The following CCDC66 variants were observed in gnomAD, a reference collection of about 807,000 sequenced individuals.
The protein encoded by CCDC66 is coiled-coil domain-containing protein 66.
A neutral mutation model predicts 128.3 loss-of-function variants in CCDC66; 133 were observed. The ratio of observed to expected loss-of-function variants is 1.04; its 90% CI spans 0.90 to 1.20. The LOEUF is 1.20. CCDC66 is among the 50% of genes most tolerant of loss of function. The pLI is 0.00. For synonymous variants in CCDC66, 387 were observed against 357.0 expected (o/e 1.08, Z -0.95); for missense variants, 1,126 against 1,075.5 (o/e 1.05, Z -0.66).
At chr3:56,578,658 T>A (rs572565653) in intron 7 of CCDC66, among the ~76,000 whole-genome samples, 3 of 152,008 alleles carry the variant, frequency 2.0e-5, no homozygotes, top group Non-Finnish European at 2.9e-5. Context: ...GTGCAACTAT[T>A]GAGATAATCA....
intron 7 of CCDC66, among the ~76,000 whole-genome samples, chr3:56,580,798 TC>T (rs2068228595): frequency 6.6e-6 from 1 of 151,948 alleles, no homozygotes; most frequent in Non-Finnish European, 1.5e-5. Flanking sequence ...CCGATGGGCT[TC>T]CCTTTGTGGG....
At chr3:56,566,853 C>A in intron 5 of CCDC66, 94 bp downstream of exon 5, 1 of 1,466,070 alleles carries the variant, frequency 6.8e-7, no homozygotes, top group Non-Finnish European at 9.4e-7. Flanking sequence ...ACTCTGAATA[C>A]TTAGAGCTAT....
chr3:56,557,559 A>G, intron 1 of CCDC66: 1 of 404,066 alleles, frequency 2.5e-6, no homozygotes, highest in South Asian at 4.5e-5. Context: ...GAGAGAAATG[A>G]CGAGACAGTT....
intron 10 of CCDC66, among the ~76,000 whole-genome samples, chr3:56,606,340 C>T (rs937305112): frequency 6.6e-6 from 1 of 152,086 alleles, no homozygotes; most frequent in Non-Finnish European, 1.5e-5. Flanking sequence ...AAAACTCCTA[C>T]AGTTAGCTCG....
chr3:56,575,792 A>G (rs760042657), intron 7 of CCDC66, among the ~76,000 whole-genome samples: 2 of 151,766 alleles, frequency 1.3e-5, no homozygotes, highest in African/African-American at 2.4e-5. Flanking sequence ...ATTCTTTTGC[A>G]TGTGGACATC....
At chr3:56,564,669 C>A (rs2065551940) in intron 4 of CCDC66, among the ~76,000 whole-genome samples, 1 of 152,226 alleles carries the variant, frequency 6.6e-6, no homozygotes, top group East Asian at 1.9e-4. Context: ...TTTCACAAGT[C>A]CTGGCATTGT....
chr3:56,567,138 T>A, intron 6 of CCDC66, 85 bp downstream of exon 6: 1 of 1,007,756 alleles, frequency 9.9e-7, no homozygotes, highest in Admixed American at 1.9e-5. Flanking sequence ...ACACCTGTAA[T>A]ACCAGCACTT....
chr3:56,619,945 C>T lies in CCDC66; in HGVS notation c.2760+44C>T, dbSNP rs529414327. On this transcript the variant is annotated intron_variant, in intron 17 of 17. Coordinates refer to ENST00000394672, the MANE Select transcript of CCDC66 (RefSeq NM_001141947.3). ...GTAGATATGTCTGTTCTTTATGTGG[C>T]GTGGGCGGTTGGGGGAACCTGTTGA... The T allele has an allele frequency of 7.6e-6, 12 of 1,587,150 alleles. No individual in the cohort carries two copies. In the South Asian group the frequency reaches 1.0e-4, roughly 14 times the overall value.
Position 56,571,207 on chromosome 3 carries a change from G to GAA in CCDC66, c.845_846dup (p.Glu283LysfsTer19). 1.3e-6 allele frequency: 2 copies of GAA among 1,529,890 alleles called. No individual in the cohort carries two copies. Among genetic ancestry groups the GAA allele is most frequent in the South Asian group, 2.4e-5 (2 of 84,064 alleles). 94.8% of individuals were successfully genotyped at this position (1,529,890 alleles called of 1,614,324 possible). On this transcript the variant is annotated frameshift_variant, in exon 7 of 18. Transcript: ENST00000394672. LOFTEE classifies it high-confidence loss of function. Reference sequence around the variant, plus strand: ...TGAACAGGTTGCTTTAAAGAAGAAAGAAAAAGAAGTTTCTGAAAAATGGAA... The same window carrying GAA: ...TGAACAGGTTGCTTTAAAGAAGAAAGAAAAAAAGAAGTTTCTGAAAAATGGAA...
intron 7 of CCDC66, among the ~76,000 whole-genome samples, chr3:56,582,661 G>A (rs1406889781): frequency 6.6e-6 from 1 of 151,558 alleles, no homozygotes; most frequent in Non-Finnish European, 1.5e-5. Context: ...TTCTAAAAGT[G>A]TTTTTTAGAA....
chr3:56,617,101 CT>C lies in CCDC66; in HGVS notation c.1844-3del, dbSNP rs576848832. ...TACAATTTTTAAAAATCATTTGCAA[CT>C]TTTTTTTAGATGACTTAAATATAGG... is the stretch of plus-strand genomic sequence containing the variant. On this transcript the variant is annotated splice_polypyrimidine_tract_variant and intron_variant, in intron 13 of 17. Coordinates refer to ENST00000394672, the MANE Select transcript of CCDC66 (RefSeq NM_001141947.3). 1.7e-4 allele frequency: 255 copies of C among 1,493,876 alleles called. 1 individual carries two copies. The African/African-American group carries it at 2.4e-3, about 14-fold the overall frequency. 92.5% of individuals were successfully genotyped at this position (1,493,876 alleles called of 1,614,324 possible).
chr3:56,563,822 A>G lies in CCDC66; in HGVS notation c.241A>G (p.Lys81Glu), dbSNP rs953866820. ...AGTTGGTTCAGAAACATCACAGGCA[A>G]AAGGTGAAAAAAATGGAATGACTTT... The part of the protein sequence containing the change: ...KPVGSETSQA[K>E]GEKNGMTFSS... The change falls in exon 4 of 18, where the codon AAA (lysine) becomes GAA (glutamate). Residue 81 changes from lysine (K) to glutamate (E), a missense_variant. Coordinates refer to ENST00000394672, the MANE Select transcript of CCDC66 (RefSeq NM_001141947.3). 14 of 1,558,194 alleles carry G rather than the reference A, an allele frequency of 9.0e-6. No individual in the cohort carries two copies. Among genetic ancestry groups the G allele is most frequent in the Non-Finnish European group, 1.1e-5 (13 of 1,150,120 alleles).
chr3:56,618,217 G>A lies in CCDC66; in HGVS notation c.2378+5G>A, dbSNP rs200014082. The A allele has an allele frequency of 6.2e-6, 10 of 1,611,810 alleles. No homozygotes were observed. Among genetic ancestry groups the A allele is most frequent in the Non-Finnish European group, 7.6e-6 (9 of 1,178,084 alleles). ...TCATTCATTCAGCAAGGAAAGGTAA[G>A]TATGCATCAGATTAATTCCGCAGCT... On this transcript the variant is annotated splice_donor_5th_base_variant and intron_variant, in intron 15 of 17. Transcript: ENST00000394672.
chr3:56,610,879 G>A (rs1359260866), intron 10 of CCDC66, among the ~76,000 whole-genome samples: 2 of 152,200 alleles, frequency 1.3e-5, no homozygotes, highest in Non-Finnish European at 2.9e-5. Context: ...TTGGCTCCGG[G>A]CTGGTGCTGG....
chr3:56,603,046 A>G (rs1473125265), intron 10 of CCDC66, among the ~76,000 whole-genome samples: 1 of 151,814 alleles, frequency 6.6e-6, no homozygotes, highest in Non-Finnish European at 1.5e-5. Flanking sequence ...CGTGTTAGCC[A>G]GGATGGTCTC....
At chr3:56,559,067 A>G (rs2064750229) in intron 2 of CCDC66, among the ~76,000 whole-genome samples, 157 bp downstream of exon 2, 1 of 152,188 alleles carries the variant, frequency 6.6e-6, no homozygotes, top group Non-Finnish European at 1.5e-5. Flanking sequence ...CTTCTAGCCA[A>G]ATAAAATCAG....
At chr3:56,591,056 AC>A (rs1447403139) in intron 7 of CCDC66, among the ~76,000 whole-genome samples, 1 of 152,082 alleles carries the variant, frequency 6.6e-6, no homozygotes, top group Admixed American at 6.5e-5. Flanking sequence ...CCCATCTCCC[AC>A]CCCCATGTTT....
intron 7 of CCDC66, among the ~76,000 whole-genome samples, chr3:56,583,943 C>T (rs1302326438): frequency 1.1e-5 from 1 of 92,828 alleles, no homozygotes; most frequent in Admixed American, 1.4e-4. Context: ...CACCTCCCTC[C>T]CGGACGGGGC....
intron 6 of CCDC66, among the ~76,000 whole-genome samples, chr3:56,567,303 T>C (rs2065986852): frequency 6.6e-6 from 1 of 152,092 alleles, no homozygotes; most frequent in Non-Finnish European, 1.5e-5. Context: ...GGCAGGAGAA[T>C]TGCTTGAACC....
Sources: gnomAD v4.1 joint callset for allele counts (sites outside exome capture counted in the v4.1 genomes callset) on GRCh38, gnomAD v4.1.1 for gene constraint, MANE v1.5 for transcripts, NCBI Gene and HGNC (gene_info 2026-07-23, HGNC 2026-07-21) for gene names.